The following MYDGF variants were observed in gnomAD, a reference collection of about 807,000 sequenced individuals.
MYDGF encodes myeloid-derived growth factor.
MYDGF carries 29 observed loss-of-function variants against 24.2 expected under a neutral mutation model. That is an observed-to-expected ratio of 1.20 (90% CI 0.89 to 1.63). The LOEUF is 1.63. Ranked by LOEUF, MYDGF falls within the 40% of genes most tolerant of loss-of-function variation. MYDGF has a pLI of 0.00. For missense variants in MYDGF, 245 were observed against 234.8 expected, an observed-to-expected ratio of 1.04 and a Z score of -0.29; for synonymous variants, 105 against 102.5, an observed-to-expected ratio of 1.02 and a Z score of -0.15.
intron 1 of MYDGF, among the ~76,000 whole-genome samples, chr19:4,668,849 ATTTT>A (rs59730499): frequency 7.1e-6 from 1 of 140,388 alleles, no homozygotes. Flanking sequence ...CACCCGACTA[ATTTT>A]TTTTTTTTTT....
chr19:4,670,224 C>G lies in MYDGF; in HGVS notation c.111G>C (p.Thr37=), dbSNP rs10401515. 0.079 allele frequency: 122,438 copies of G among 1,556,496 alleles called. 5,588 individuals carry two copies. The highest frequency in any genetic ancestry group is 0.2 in the African/African-American group (13,809 of 70,646). The change falls in exon 1 of 6, where the codon ACG becomes ACC. Residue 37 remains threonine, a synonymous_variant. Transcript: ENST00000262947. ...RPAEAVSEPT[T]VAFDVRPGGV... Reference sequence around the variant, plus strand: ...CGCCGGGCCGCACGTCAAACGCCACCGTCGTGGGCTCGGACACCGCCTCCG... The same window carrying G: ...CGCCGGGCCGCACGTCAAACGCCACGGTCGTGGGCTCGGACACCGCCTCCG...
chr19:4,667,329 C>T (rs1296316799), intron 2 of MYDGF, among the ~76,000 whole-genome samples: 2 of 152,158 alleles, frequency 1.3e-5, no homozygotes, highest in Middle Eastern at 3.4e-3. Context: ...GGGGTTTCAC[C>T]GTGTTAGCCA....
At chr19:4,667,167 C>T (rs755548184) in intron 2 of MYDGF, among the ~76,000 whole-genome samples, 3 of 134,532 alleles carry the variant, frequency 2.2e-5, no homozygotes, top group Non-Finnish European at 3.1e-5. Flanking sequence ...CTCGCTCTGT[C>T]GCCCAGGATG....
intron 2 of MYDGF, among the ~76,000 whole-genome samples, chr19:4,667,221 C>T (rs551386303): frequency 6.0e-5 from 9 of 150,544 alleles, no homozygotes; most frequent in East Asian, 3.9e-4. Flanking sequence ...CTCCGCCTCC[C>T]GGGTTCACGC....
chr19:4,664,766 G>A lies in MYDGF; in HGVS notation c.287+110C>T, dbSNP rs2088507382. ...CGTGCATGAGTCTCCCTGCTGGTCT[G>A]TCTTCCCCTCCAGGGGTGCAGCCCT... On this transcript the variant is annotated intron_variant, in intron 3 of 5. Coordinates refer to ENST00000262947, the MANE Select transcript of MYDGF (RefSeq NM_019107.4). The A allele has an allele frequency of 2.4e-6, 3 of 1,246,372 alleles. No homozygotes were observed. In the South Asian group the frequency reaches 4.2e-5, roughly 18 times the overall value. The allele number at this position is 1,246,372 out of a possible 1,614,324, so 77.2% of individuals were successfully genotyped here.
chr19:4,659,979 T>C lies in MYDGF; in HGVS notation c.394A>G (p.Ser132Gly). Residue 132 changes from serine to glycine, a missense_variant, in exon 5 of 6, where the codon AGT (serine) becomes GGT (glycine). Coordinates refer to ENST00000262947, the MANE Select transcript of MYDGF (RefSeq NM_019107.4). Reference protein sequence around the residue: ...AYSKAAFERESDVPLKTEEFE... With the variant: ...AYSKAAFEREGDVPLKTEEFE... The stretch of plus-strand genomic sequence containing the variant: ...TCCTCAGTTTTCAGAGGGACATCAC[T>C]TTCCCTTTCAAATGCGGCTTTAGAC... The C allele has an allele frequency of 6.2e-7, 1 of 1,613,928 alleles. No homozygotes were observed. Among genetic ancestry groups the C allele is most frequent in the East Asian group, 2.2e-5 (1 of 44,892 alleles).
intron 3 of MYDGF, among the ~76,000 whole-genome samples, chr19:4,663,901 A>AG (rs1026905115): frequency 6.7e-6 from 1 of 149,292 alleles, no homozygotes; most frequent in African/African-American, 2.5e-5. Flanking sequence ...TGGTGCCTGG[A>AG]GGGGCTCCCT....
intron 3 of MYDGF, among the ~76,000 whole-genome samples, chr19:4,661,678 G>A (rs1409690417): frequency 6.6e-6 from 1 of 152,046 alleles, no homozygotes. Context: ...GGTTCTATGT[G>A]CATGGGTGGG....
intron 3 of MYDGF, among the ~76,000 whole-genome samples, chr19:4,661,690 C>T (rs969005130): frequency 1.3e-5 from 2 of 151,448 alleles, no homozygotes; most frequent in South Asian, 2.1e-4. Flanking sequence ...ATGGGTGGGG[C>T]GGGGGTATCC....
At chr19:4,669,699 C>A (rs537602468) in intron 1 of MYDGF, among the ~76,000 whole-genome samples, 1 of 152,300 alleles carries the variant, frequency 6.6e-6, no homozygotes, top group East Asian at 1.9e-4. Context: ...GGGCTGAGGG[C>A]CCGGCCTCAC....
chr19:4,668,668 A>C, intron 1 of MYDGF, 23 bp from the exon 2 acceptor site: 1 of 1,606,286 alleles, frequency 6.2e-7, no homozygotes, highest in Non-Finnish European at 8.5e-7. Context: ...AGGAAAAAAA[A>C]GGTTTGGTAG....
chr19:4,659,959 A>C lies in MYDGF; in HGVS notation c.414T>G (p.Thr138=). The change falls in exon 5 of 6, where the codon ACT becomes ACG. Residue 138 remains threonine, a synonymous_variant. Coordinates refer to ENST00000262947, the MANE Select transcript of MYDGF (RefSeq NM_019107.4). The stretch of plus-strand genomic sequence containing the variant: ...CTGTTTTGGTCACTTCAAATTCCTC[A>C]GTTTTCAGAGGGACATCACTTTCCC... The part of the protein sequence containing the change: ...FERESDVPLK[T]EEFEVTKTAV... The C allele has an allele frequency of 6.2e-7, 1 of 1,613,940 alleles. No homozygotes were observed. The highest frequency in any genetic ancestry group is 2.2e-5 in the East Asian group (1 of 44,872).
At chr19:4,658,814 T>G (rs2088445687) in intron 5 of MYDGF, among the ~76,000 whole-genome samples, 1 of 152,218 alleles carries the variant, frequency 6.6e-6, no homozygotes, top group South Asian at 2.1e-4. Flanking sequence ...ATTTATTATT[T>G]TTTTTGAGAT....
chr19:4,658,330 T>C (rs2145181366), intron 5 of MYDGF, among the ~76,000 whole-genome samples: 1 of 152,244 alleles, frequency 6.6e-6, no homozygotes, highest in East Asian at 1.9e-4. Flanking sequence ...CAGAAAGACC[T>C]GAGGTGGGAA....
At position 4,664,941 on chromosome 19, in the gene MYDGF, G is replaced by T. The variant is rs1172961589; in HGVS notation, c.226-4C>A. On this transcript the variant is annotated splice_region_variant and splice_polypyrimidine_tract_variant and intron_variant, in intron 2 of 5. Transcript: ENST00000262947. ...TCCCCAGACTCATCTGCCATTGCTG[G>T]GGAGAGAAGACAGCGCGGGTCAGCC... 2 of 1,612,476 alleles carry T rather than the reference G, an allele frequency of 1.2e-6. No individual in the cohort carries two copies. Among genetic ancestry groups the T allele is most frequent in the Admixed American group, 3.3e-5 (2 of 59,968 alleles).
At chr19:4,658,136 G>T (rs756313476) in intron 5 of MYDGF, 52 bp from the exon 6 acceptor site, 1 of 1,527,076 alleles carries the variant, frequency 6.5e-7, no homozygotes, top group East Asian at 2.3e-5. Context: ...ATTCTCAGAA[G>T]TCCGGAGGAT....
At chr19:4,661,100 G>A (rs1292774211) in intron 3 of MYDGF, among the ~76,000 whole-genome samples, 1 of 151,654 alleles carries the variant, frequency 6.6e-6, no homozygotes, top group African/African-American at 2.4e-5. Context: ...CCTTGTAGCT[G>A]GGAGTACAGG....
chr19:4,659,119 AG>A (rs2088448492), intron 5 of MYDGF, among the ~76,000 whole-genome samples: 2 of 151,986 alleles, frequency 1.3e-5, no homozygotes, highest in African/African-American at 4.8e-5. Flanking sequence ...TCTGATGCCC[AG>A]GCTGGAGTGC....
intron 3 of MYDGF, 29 bp downstream of exon 3, chr19:4,664,847 G>A (rs373838787): frequency 6.0e-5 from 96 of 1,609,474 alleles, no homozygotes; most frequent in African/African-American, 3.9e-4. Context: ...AACGGCAGCC[G>A]GAAATGCCAT....
Sources: allele counts gnomAD v4.1 joint callset (sites outside exome capture counted in the v4.1 genomes callset), GRCh38; gene constraint gnomAD v4.1.1; transcripts MANE v1.5; gene names NCBI Gene and HGNC (gene_info 2026-07-23, HGNC 2026-07-21).